BBX: variants seen among roughly 807,000 people sequenced by gnomAD.
BBX encodes the protein BBX high mobility group box domain containing, also known as HMG box transcription factor BBX.
BBX carries 30 observed loss-of-function variants against 100.2 expected under a neutral mutation model. The observed-to-expected ratio is 0.30, with a 90% confidence interval of 0.22 to 0.41. The LOEUF (loss-of-function observed/expected upper bound fraction) is 0.41. Ranked by LOEUF, BBX falls within the 10% of genes least tolerant of loss-of-function variation. BBX has a pLI of 1.00. For missense variants in BBX, 1,023 were observed against 1,129.8 expected (o/e 0.91, Z 1.35); for synonymous variants, 376 against 388.1 (o/e 0.97, Z 0.37).
At chr3:107,791,808 C>T (rs1471604108) in intron 15 of BBX, among the ~76,000 whole-genome samples, 3 of 152,160 alleles carry the variant, frequency 2.0e-5, no homozygotes, top group Non-Finnish European at 4.4e-5. Context: ...CGAGACTAGC[C>T]TAACCAACAT....
chr3:107,687,236 G>A (rs1472982545), intron 3 of BBX, among the ~76,000 whole-genome samples: 1 of 151,974 alleles, frequency 6.6e-6, no homozygotes, highest in African/African-American at 2.4e-5. Context: ...ATTAATAATG[G>A]AGGGCAGTTT....
chr3:107,716,765 C>A lies in BBX; in HGVS notation c.321C>A (p.Asn107Lys), dbSNP rs764050907. 6.2e-7 allele frequency: 1 copy of A among 1,613,758 alleles called. No homozygotes were observed. Among genetic ancestry groups the A allele is most frequent in the Admixed American group, 1.7e-5 (1 of 59,980 alleles). ...LVRQEHPRLD[N>K]RGATKILADW... is the part of the protein sequence containing the mutation. ...GTCAGGAACACCCCAGGCTTGATAA[C>A]CGAGGTGCTACCAAGATACTAGCTG... is the stretch of plus-strand genomic sequence containing the variant. Residue 107 changes from asparagine to lysine, a missense_variant, in exon 5 of 18, where the codon AAC (asparagine) becomes AAA (lysine). This residue lies in a region of BBX where 229 missense variants were observed against 226.3 expected (regional missense o/e 1.01). Coordinates refer to ENST00000325805, the MANE Select transcript of BBX (RefSeq NM_001142568.3).
chr3:107,532,283 G>A (rs2048214377), intron 2 of BBX, among the ~76,000 whole-genome samples: 1 of 152,088 alleles, frequency 6.6e-6, no homozygotes, highest in Non-Finnish European at 1.5e-5. Context: ...AAATTATGCT[G>A]TGAGTTTTAT....
chr3:107,643,029 C>G (rs932470177), intron 2 of BBX, among the ~76,000 whole-genome samples: 1 of 152,122 alleles, frequency 6.6e-6, no homozygotes, highest in Non-Finnish European at 1.5e-5. Context: ...TCTGCACTGA[C>G]TAGGTAGTAG....
At chr3:107,713,870 T>C (rs2061894375) in intron 4 of BBX, among the ~76,000 whole-genome samples, 1 of 152,076 alleles carries the variant, frequency 6.6e-6, no homozygotes, top group Non-Finnish European at 1.5e-5. Flanking sequence ...TTAATCCCTG[T>C]TAGTTCCCCA....
At chr3:107,736,177 A>T (rs767401552) in intron 7 of BBX, among the ~76,000 whole-genome samples, 37 of 152,064 alleles carry the variant, frequency 2.4e-4, no homozygotes, top group Non-Finnish European at 4.7e-4. Context: ...GCATGTCCCT[A>T]CTGAGACCCT....
chr3:107,802,921 T>C (rs2070677633), intron 17 of BBX, among the ~76,000 whole-genome samples: 1 of 152,248 alleles, frequency 6.6e-6, no homozygotes, highest in South Asian at 2.1e-4. Flanking sequence ...GTCCTCCTGA[T>C]GCCCTAGGCT....
intron 2 of BBX, among the ~76,000 whole-genome samples, chr3:107,621,548 C>A (rs2055768434): frequency 6.6e-6 from 1 of 152,122 alleles, no homozygotes; most frequent in Non-Finnish European, 1.5e-5. Context: ...GCTTAGAACT[C>A]TAGGTAGAAT....
rs572742578 is a variant in BBX at position 107,597,049 on chromosome 3, G to A, written c.-83-48787G>A. Among the ~76,000 whole-genome samples the A allele has an allele frequency of 1.1e-4, 16 of 152,188 alleles. 1 individual carries two copies. In the South Asian group the frequency reaches 2.3e-3, roughly 22 times the overall value. On this transcript the variant is annotated intron_variant, in intron 2 of 17. Coordinates refer to ENST00000325805, the MANE Select transcript of BBX (RefSeq NM_001142568.3). Reference sequence around the variant, plus strand: ...TTATTGACATTTGAAATTTTTCATCGTAAGTCTAAATCATTTGCTAATGGT... The same window carrying A: ...TTATTGACATTTGAAATTTTTCATCATAAGTCTAAATCATTTGCTAATGGT...
chr3:107,679,286 CTT>C (rs1269306398), intron 3 of BBX, among the ~76,000 whole-genome samples: 1 of 152,070 alleles, frequency 6.6e-6, no homozygotes, highest in Admixed American at 6.6e-5. Flanking sequence ...ACATATCTTA[CTT>C]TGACACAGAT....
At chr3:107,524,989 T>G (rs151001836) in intron 1 of BBX, among the ~76,000 whole-genome samples, 1,671 of 150,034 alleles carry the variant, frequency 0.011, 14 homozygotes, top group Non-Finnish European at 0.017. Context: ...TGACTGGGAC[T>G]GGGGTACTTT....
chr3:107,733,505 C>G (rs937299700), intron 7 of BBX, among the ~76,000 whole-genome samples: 13 of 152,048 alleles, frequency 8.5e-5, no homozygotes, highest in African/African-American at 2.9e-4. Context: ...TTTCCCACCC[C>G]CCCTTGAGAC....
At chr3:107,754,850 T>G (rs906225071) in intron 9 of BBX, among the ~76,000 whole-genome samples, 1 of 152,234 alleles carries the variant, frequency 6.6e-6, no homozygotes. Context: ...TCTCAGCTCT[T>G]ATTGAGGCTA....
At chr3:107,631,113 C>T (rs2056518565) in intron 2 of BBX, among the ~76,000 whole-genome samples, 1 of 152,198 alleles carries the variant, frequency 6.6e-6, no homozygotes, top group African/African-American at 2.4e-5. Context: ...GGATCTCTGC[C>T]TGACTAGAAC....
At chr3:107,756,412 G>A (rs1157894125) in intron 10 of BBX, among the ~76,000 whole-genome samples, 1 of 151,894 alleles carries the variant, frequency 6.6e-6, no homozygotes, top group African/African-American at 2.4e-5. Context: ...GGTAGAAAGT[G>A]GATAACCAAA....
At chr3:107,545,413 A>C (rs529768085) in intron 2 of BBX, among the ~76,000 whole-genome samples, 2 of 152,214 alleles carry the variant, frequency 1.3e-5, no homozygotes, top group Non-Finnish European at 2.9e-5. Context: ...TGAAAGAAAA[A>C]ATGAAGCTTT....
At position 107,643,753 on chromosome 3, in the gene BBX, G is replaced by T. The variant is rs551980612; in HGVS notation, c.-83-2083G>T. Among the ~76,000 whole-genome samples the T allele has an allele frequency of 2.0e-5, 3 of 152,248 alleles. No homozygotes were observed. The South Asian group carries it at 6.2e-4, about 32-fold the overall frequency. ...TCAGTACACTCTCTGAAATACTAGTGATTTAAATGCAGACCAGGCTATGCT... is the reference window on the plus strand; with the variant it reads ...TCAGTACACTCTCTGAAATACTAGTTATTTAAATGCAGACCAGGCTATGCT... On this transcript the variant is annotated intron_variant, in intron 2 of 17. Coordinates refer to ENST00000325805, the MANE Select transcript of BBX (RefSeq NM_001142568.3).
At chr3:107,628,580 T>G (rs1320531261) in intron 2 of BBX, among the ~76,000 whole-genome samples, 1 of 152,140 alleles carries the variant, frequency 6.6e-6, no homozygotes, top group East Asian at 1.9e-4. Context: ...ATTGAGATTA[T>G]TATTTCCATT....
chr3:107,760,157 C>G (rs566757835), intron 10 of BBX, among the ~76,000 whole-genome samples: 1 of 152,316 alleles, frequency 6.6e-6, no homozygotes, highest in Admixed American at 6.5e-5. Context: ...ACACAGGAAC[C>G]CAGGCAGACT....
Sources: allele counts gnomAD v4.1 joint callset (sites outside exome capture counted in the v4.1 genomes callset), GRCh38; gene constraint gnomAD v4.1.1; regional missense constraint gnomAD v4.1.1; transcripts MANE v1.5; gene names NCBI Gene and HGNC (gene_info 2026-07-23, HGNC 2026-07-21).